COL25A1: variants seen among roughly 807,000 people sequenced by gnomAD.
COL25A1 encodes the protein collagen alpha-1(XXV) chain.
In COL25A1, 103 loss-of-function variants were observed where a neutral mutation model predicts 128.4. That is an observed-to-expected ratio of 0.80 (90% CI 0.68 to 0.94). The LOEUF (loss-of-function observed/expected upper bound fraction) is 0.94, where lower values mean the gene tolerates loss of function less well. Ranked by LOEUF, COL25A1 falls within the 40% of genes least tolerant of loss-of-function variation. The pLI is 0.00. For missense variants in COL25A1, 745 were observed against 840.0 expected, an observed-to-expected ratio of 0.89 and a Z score of 1.40; for synonymous variants, 279 against 277.2, an observed-to-expected ratio of 1.01 and a Z score of -0.06.
intron 3 of COL25A1, among the ~76,000 whole-genome samples, chr4:109,138,831 C>T (rs1770085934): frequency 6.6e-6 from 1 of 152,120 alleles, no homozygotes; most frequent in Admixed American, 6.5e-5. Flanking sequence ...CCTCAGCCTC[C>T]CGAGTAGCTG....
chr4:108,870,161 C>T (rs1324837714), intron 19 of COL25A1, among the ~76,000 whole-genome samples: 1 of 152,088 alleles, frequency 6.6e-6, no homozygotes. Context: ...GAGACTGAGG[C>T]GGGAGGATCG....
chr4:108,886,365 G>A (rs947858415), intron 18 of COL25A1, among the ~76,000 whole-genome samples: 3 of 151,654 alleles, frequency 2.0e-5, no homozygotes, highest in African/African-American at 4.8e-5. Context: ...CACAGCCCAC[G>A]GGCCACATGC....
intron 8 of COL25A1, among the ~76,000 whole-genome samples, chr4:108,962,198 T>C (rs1307324674): frequency 6.6e-6 from 1 of 151,924 alleles, no homozygotes; most frequent in Non-Finnish European, 1.5e-5. Context: ...TTTTTTTCTT[T>C]TTTTTTTGAG....
intron 3 of COL25A1, among the ~76,000 whole-genome samples, chr4:109,052,430 T>C (rs1579211993): frequency 6.6e-6 from 1 of 151,968 alleles, no homozygotes; most frequent in Non-Finnish European, 1.5e-5. Context: ...TATGGTAGGG[T>C]TTTACAAAGC....
chr4:109,168,442 T>C lies in COL25A1; in HGVS notation c.368-118263A>G, dbSNP rs565962749. Among the ~76,000 whole-genome samples the C allele has an allele frequency of 9.2e-5, 14 of 152,334 alleles. No homozygotes were observed. The South Asian group carries it at 1.7e-3, about 18-fold the overall frequency. ...TGCTTTAGAGTTTCACCATAAGTTA[T>C]GATTCTTCCTTTGACTTACAAATAG... On this transcript the variant is annotated intron_variant, in intron 3 of 37. Coordinates refer to ENST00000399132, the MANE Select transcript of COL25A1 (RefSeq NM_198721.4).
At chr4:108,921,969 A>G (rs1206519736) in intron 11 of COL25A1, among the ~76,000 whole-genome samples, 1 of 152,136 alleles carries the variant, frequency 6.6e-6, no homozygotes, top group Non-Finnish European at 1.5e-5. Flanking sequence ...CTTGTCTCTC[A>G]TCAAACCAAA....
At chr4:109,012,859 C>A (rs142241155) in intron 5 of COL25A1, among the ~76,000 whole-genome samples, 2 of 152,178 alleles carry the variant, frequency 1.3e-5, no homozygotes, top group East Asian at 3.9e-4. Flanking sequence ...GGAGTGCAGG[C>A]GCGTGGCATG....
chr4:109,179,545 C>A (rs560795569), intron 3 of COL25A1, among the ~76,000 whole-genome samples: 22 of 152,190 alleles, frequency 1.4e-4, no homozygotes, highest in Non-Finnish European at 2.8e-4. Flanking sequence ...TGTGAATATA[C>A]AATCATCTAT....
chr4:109,019,875 G>T (rs1384750194), intron 5 of COL25A1, among the ~76,000 whole-genome samples: 1 of 152,146 alleles, frequency 6.6e-6, no homozygotes, highest in Non-Finnish European at 1.5e-5. Context: ...AAGCACGAAA[G>T]TTCCATATTG....
chr4:109,066,539 C>T (rs1429902602), intron 3 of COL25A1, among the ~76,000 whole-genome samples: 2 of 152,186 alleles, frequency 1.3e-5, no homozygotes, highest in Non-Finnish European at 2.9e-5. Context: ...TTCTCAAGCA[C>T]TTAAAAACAG....
intron 3 of COL25A1, among the ~76,000 whole-genome samples, chr4:109,174,507 C>T (rs1462307773): frequency 1.1e-4 from 16 of 152,188 alleles, no homozygotes; most frequent in Admixed American, 9.8e-4. Flanking sequence ...ACCCTCTTGA[C>T]ACTATGAAGC....
intron 8 of COL25A1, among the ~76,000 whole-genome samples, chr4:108,967,793 C>A (rs1377680093): frequency 1.3e-5 from 2 of 152,102 alleles, no homozygotes; most frequent in Non-Finnish European, 2.9e-5. Context: ...ATTTCCTAGT[C>A]CAACTTTCTT....
At chr4:109,300,503 G>T in intron 3 of COL25A1, 80 bp downstream of exon 3, 1 of 931,760 alleles carries the variant, frequency 1.1e-6, no homozygotes, top group Non-Finnish European at 1.8e-6. Context: ...TATTATTACA[G>T]GTAGACTTGA....
rs778364117 is a variant in COL25A1 at position 109,154,332 on chromosome 4, CT to C, written c.368-104154del. On this transcript the variant is annotated intron_variant, in intron 3 of 37. Transcript: ENST00000399132. ...ATACAGAACAGACAAAAACAACCAT[CT>C]GTCTTCTACAGTTTATGTACAGTGT... 8.1e-4 allele frequency among the ~76,000 whole-genome samples: 123 copies of C among 152,200 alleles called. 1 individual carries two copies. Among genetic ancestry groups the C allele is most frequent in the Non-Finnish European group, 6.3e-4 (43 of 68,030 alleles).
At chr4:108,898,360 G>A (rs1742392909) in intron 15 of COL25A1, among the ~76,000 whole-genome samples, 1 of 152,092 alleles carries the variant, frequency 6.6e-6, no homozygotes, top group Admixed American at 6.6e-5. Flanking sequence ...GGGATGAGAG[G>A]TTATAATACT....
chr4:109,246,144 C>T (rs1250491194), intron 3 of COL25A1, among the ~76,000 whole-genome samples: 1 of 151,658 alleles, frequency 6.6e-6, no homozygotes, highest in Non-Finnish European at 1.5e-5. Context: ...ATAGCAGATA[C>T]TTCAAATTCC....
intron 3 of COL25A1, among the ~76,000 whole-genome samples, chr4:109,121,416 TA>T (rs1255650893): frequency 6.6e-6 from 1 of 152,000 alleles, no homozygotes; most frequent in Non-Finnish European, 1.5e-5. Flanking sequence ...AAAGAACTCC[TA>T]AAACTCAACT....
intron 3 of COL25A1, among the ~76,000 whole-genome samples, chr4:109,185,520 T>C (rs1775054487): frequency 6.6e-6 from 1 of 152,208 alleles, no homozygotes; most frequent in Non-Finnish European, 1.5e-5. Context: ...CCTGTCTATT[T>C]TTTGGAAAGA....
intron 6 of COL25A1, among the ~76,000 whole-genome samples, chr4:109,000,755 A>G: frequency 7.0e-6 from 1 of 142,926 alleles, no homozygotes; most frequent in South Asian, 2.4e-4. Context: ...AAAAAAAAAA[A>G]AAAAAAAAAA....
Sources: allele counts gnomAD v4.1 joint callset (sites outside exome capture counted in the v4.1 genomes callset), GRCh38; gene constraint gnomAD v4.1.1; transcripts MANE v1.5; gene names NCBI Gene and HGNC (gene_info 2026-07-23, HGNC 2026-07-21).